Variants in TMEM178A observed in about 807,000 individuals in gnomAD.
TMEM178A encodes transmembrane protein 178.
A neutral mutation model predicts 29.1 loss-of-function variants in TMEM178A; 12 were observed. The observed-to-expected ratio is 0.41, with a 90% confidence interval of 0.26 to 0.67. The LOEUF is 0.67. Among genes scored for constraint, TMEM178A ranks in the 30% least tolerant of loss-of-function variants. The probability of loss-of-function intolerance (pLI) is 0.29; values close to 1 mark genes in which losing one functional copy is unlikely to be tolerated. For synonymous variants in TMEM178A, 210 were observed against 187.2 expected, an observed-to-expected ratio of 1.12 and a Z score of -0.99; for missense variants, 366 against 419.1, an observed-to-expected ratio of 0.87 and a Z score of 1.11.
chr2:39,693,849 G>T (rs1450463825), intron 1 of TMEM178A, among the ~76,000 whole-genome samples: 1 of 151,886 alleles, frequency 6.6e-6, no homozygotes, highest in African/African-American at 2.4e-5. Context: ...TACATTAAAG[G>T]AGATTTAAAA....
rs369677272 is a variant in TMEM178A, at chr2:39,717,279, C to G, written c.*28C>G. 1 of 1,606,574 alleles carries G rather than the reference C, an allele frequency of 6.2e-7. No individual in the cohort carries two copies. Among genetic ancestry groups the G allele is most frequent in the Middle Eastern group, 1.8e-4 (1 of 5,630 alleles). On this transcript the variant is annotated 3_prime_UTR_variant, in exon 4 of 4. Coordinates refer to ENST00000281961, the MANE Select transcript of TMEM178A (RefSeq NM_152390.3). ...GTCCTCACTGGGCCTGTCCACAGTG[C>G]GAGCGACTCCTGAGGGGAACAGCGC... is the stretch of plus-strand genomic sequence containing the variant.
the TMEM178A span, among the ~76,000 whole-genome samples, chr2:39,733,658 A>G: frequency 5.3e-5 from 8 of 152,174 alleles, no homozygotes; most frequent in Non-Finnish European, 1.0e-4. Context: ...TATTTTCACT[A>G]AGATTGGTGT....
chr2:39,731,253 T>C, the TMEM178A span, among the ~76,000 whole-genome samples: 1 of 152,196 alleles, frequency 6.6e-6, no homozygotes, highest in Admixed American at 6.5e-5. Context: ...GGGTCTTCAA[T>C]ATAATTCCCC....
intron 1 of TMEM178A, among the ~76,000 whole-genome samples, chr2:39,681,617 T>G (rs763793239): frequency 3.3e-5 from 5 of 152,098 alleles, no homozygotes; most frequent in Admixed American, 1.3e-4. Context: ...TCTGTTGGGA[T>G]TTTTGTTTGT....
intron 1 of TMEM178A, among the ~76,000 whole-genome samples, chr2:39,668,867 T>C (rs975160944): frequency 3.9e-5 from 6 of 152,156 alleles, no homozygotes; most frequent in African/African-American, 1.4e-4. Context: ...GAAAAGAAAA[T>C]GTCACCAACA....
the TMEM178A span, among the ~76,000 whole-genome samples, chr2:39,728,319 G>T: frequency 6.6e-6 from 1 of 152,084 alleles, no homozygotes; most frequent in African/African-American, 2.4e-5. Flanking sequence ...AGCTTTCTAG[G>T]TTACACAGGA....
the TMEM178A span, among the ~76,000 whole-genome samples, chr2:39,727,578 T>A: frequency 6.6e-6 from 1 of 152,300 alleles, no homozygotes; most frequent in South Asian, 2.1e-4. Flanking sequence ...TTTTATTTTT[T>A]AATTATACTT....
intron 1 of TMEM178A, among the ~76,000 whole-genome samples, chr2:39,671,256 T>C (rs1418783099): frequency 6.6e-6 from 1 of 152,242 alleles, no homozygotes; most frequent in East Asian, 1.9e-4. Context: ...CTGCCTCTCC[T>C]GTTGCTTATT....
chr2:39,734,064 ACTC>A, the TMEM178A span, among the ~76,000 whole-genome samples: 18 of 151,830 alleles, frequency 1.2e-4, no homozygotes, highest in African/African-American at 3.6e-4. Context: ...CCAATCTACT[ACTC>A]CTATTTCTTT....
chr2:39,722,662 AC>A (rs376093751), downstream of TMEM178A, among the ~76,000 whole-genome samples: 712 of 152,298 alleles, frequency 4.7e-3, 11 homozygotes, highest in African/African-American at 0.016. Flanking sequence ...ATACTGGCCA[AC>A]CCCAGTTTAA....
intron 1 of TMEM178A, among the ~76,000 whole-genome samples, chr2:39,686,693 G>A (rs73927024): frequency 6.6e-6 from 1 of 150,594 alleles, no homozygotes; most frequent in Non-Finnish European, 1.5e-5. Context: ...AAGATGGGGG[G>A]GCGGAGCTGT....
the TMEM178A span, among the ~76,000 whole-genome samples, chr2:39,733,556 G>A: frequency 2.4e-4 from 37 of 152,250 alleles, no homozygotes; most frequent in African/African-American, 7.2e-4. Context: ...TTTATGCCTA[G>A]TCTATCAAGG....
At chr2:39,690,450 G>A (rs1572668092) in intron 1 of TMEM178A, among the ~76,000 whole-genome samples, 1 of 152,290 alleles carries the variant, frequency 6.6e-6, no homozygotes, top group African/African-American at 2.4e-5. Flanking sequence ...GAAAATAAAG[G>A]GCAGTGCCCT....
chr2:39,730,093 T>C, the TMEM178A span, among the ~76,000 whole-genome samples: 3 of 152,296 alleles, frequency 2.0e-5, no homozygotes, highest in East Asian at 5.8e-4. Flanking sequence ...CCAGCCCACA[T>C]AATTCAACCT....
At chr2:39,718,135 C>G (rs924250954), downstream of TMEM178A, among the ~76,000 whole-genome samples, 1 of 152,178 alleles carries the variant, frequency 6.6e-6, no homozygotes, top group Non-Finnish European at 1.5e-5. Context: ...TTGCTATTGA[C>G]AAAAGATGTC....
At position 39,666,157 on chromosome 2, in the gene TMEM178A, G is replaced by T. The variant is rs1185787199; in HGVS notation, c.183G>T (p.Pro61=). 1.3e-6 allele frequency: 2 copies of T among 1,501,344 alleles called. No homozygotes were observed. The highest frequency in any genetic ancestry group is 1.2e-5 in the South Asian group (1 of 80,070). 93.0% of individuals were successfully genotyped at this position (1,501,344 alleles called of 1,614,324 possible). A position where few individuals can be genotyped will look rare whatever the true frequency, so the allele number is the denominator to read the frequency against. ...CGGACCAGAAGAACCGCCTGATGCC[G>T]CTGTCGCACCTGCCGCTGCGGGACT... ...DPPDQKNRLM[P]LSHLPLRDSP... The change falls in exon 1 of 4, where the codon CCG becomes CCT. Residue 61 remains proline (P), a synonymous_variant. Coordinates refer to ENST00000281961, the MANE Select transcript of TMEM178A (RefSeq NM_152390.3).
At chr2:39,713,713 C>T (rs762516107) in intron 3 of TMEM178A, among the ~76,000 whole-genome samples, 12 of 152,144 alleles carry the variant, frequency 7.9e-5, no homozygotes, top group Non-Finnish European at 1.6e-4. Context: ...CCACCCAGTC[C>T]GTGGTACTTT....
chr2:39,672,621 C>G (rs1415538948), intron 1 of TMEM178A, among the ~76,000 whole-genome samples: 2 of 151,868 alleles, frequency 1.3e-5, no homozygotes, highest in Non-Finnish European at 2.9e-5. Flanking sequence ...GAATTGGGCT[C>G]AGGTTATCAG....
chr2:39,666,032 G>A lies in TMEM178A; in HGVS notation c.58G>A (p.Gly20Arg). 6.4e-7 allele frequency: 1 copy of A among 1,555,194 alleles called. No individual in the cohort carries two copies. Among genetic ancestry groups the A allele is most frequent in the Non-Finnish European group, 8.7e-7 (1 of 1,154,574 alleles). ...LSLGLSLCSL[G>R]LLVTAIFTDH... ...CCTCGGCCTCAGCCTGTGCTCCCTG[G>A]GGCTGCTCGTCACGGCCATCTTCAC... The change falls in exon 1 of 4, where the codon GGG becomes AGG. Residue 20 changes from glycine (G) to arginine (R), a missense_variant. Around this residue, in one of 2 missense-constraint regions of TMEM178A, gnomAD observed 247 missense variants for 246.8 expected, o/e 1.00. Coordinates refer to ENST00000281961, the MANE Select transcript of TMEM178A (RefSeq NM_152390.3).
Sources: allele counts gnomAD v4.1 joint callset (sites outside exome capture counted in the v4.1 genomes callset), GRCh38; gene constraint gnomAD v4.1.1; regional missense constraint gnomAD v4.1.1; transcripts MANE v1.5; gene names NCBI Gene and HGNC (gene_info 2026-07-23, HGNC 2026-07-21).